TNXB: variants seen among roughly 807,000 people sequenced by gnomAD.
TNXB encodes the protein tenascin XB.
A neutral mutation model predicts 340.5 loss-of-function variants in TNXB; 183 were observed. The observed-to-expected ratio is 0.54, with a 90% CI of 0.48 to 0.61. TNXB has a LOEUF of 0.61. Ranked by LOEUF, TNXB falls within the 20% of genes least tolerant of loss-of-function variation. The probability of loss-of-function intolerance (pLI) is 0.00; values close to 1 mark genes in which losing one functional copy is unlikely to be tolerated. For missense variants in TNXB, 4,613 were observed against 5,446.4 expected (o/e 0.85, Z 4.82); for synonymous variants, 2,121 against 2,314.5 (o/e 0.92, Z 2.40).
rs892326805 is a variant in TNXB at position 32,061,987 on chromosome 6, G to T, written c.7168+170C>A. 1.3e-5 allele frequency among the ~76,000 whole-genome samples: 2 copies of T among 152,278 alleles called. No homozygotes were observed. Among genetic ancestry groups the T allele is most frequent in the Middle Eastern group, 3.4e-3 (1 of 294 alleles). On this transcript the variant is annotated intron_variant, in intron 20 of 43. Coordinates refer to ENST00000644971, the MANE Select transcript of TNXB (RefSeq NM_001365276.2). The surrounding 1 kb of genome is among the most constrained non-coding windows in gnomAD (Gnocchi z 4.4). ...CTCCCAATGGCCCCTCCCTGCTCAG[G>T]GGGAGCCAGGGGTCAACCACACAAA...
At position 32,053,389 on chromosome 6, in the gene TNXB, T is replaced by C. The variant is rs1777415796; in HGVS notation, c.8790A>G (p.Thr2930=). The change falls in exon 25 of 44, where the codon ACA becomes ACG. Residue 2930 remains threonine, a splice_region_variant and synonymous_variant. Transcript: ENST00000644971. ...CTGGGGCTCCCATCGTACACTCACC[T>C]GTCACCCCAATGACAGAGATGGGGC... ...RVGPISVIGV[T]AAEEETPAPT... The C allele has an allele frequency of 1.2e-6, 2 of 1,612,144 alleles. No homozygotes were observed. The highest frequency in any genetic ancestry group is 1.3e-5 in the African/African-American group (1 of 74,890).
Position 32,049,865 on chromosome 6 carries a change from GAGTCCC to G in TNXB, c.9439+127_9439+132del, listed in dbSNP as rs919200988. ...TCAACCACATAGGAAGGCCCAAGGG[GAGTCCC>G]AGCCCCAGCCACAAGCAGTTCTGTG... On this transcript the variant is annotated intron_variant, in intron 27 of 43. Coordinates refer to ENST00000644971, the MANE Select transcript of TNXB (RefSeq NM_001365276.2). This position sits in a 1 kb window ranked among gnomAD's most constrained non-coding sequence, Gnocchi z 4.5. 3 of 1,414,406 alleles carry G rather than the reference GAGTCCC, an allele frequency of 2.1e-6. No individual in the cohort carries two copies. The African/African-American group carries it at 4.2e-5, about 20-fold the overall frequency. 87.6% of individuals were successfully genotyped at this position (1,414,406 alleles called of 1,614,324 possible).
In TNXB at chr6:32,081,956, C is replaced by A; in HGVS notation, c.3736+80G>T. ...GGAGTCAGCTGTCTTGCTGGGGGAC[C>A]CCAGCTGGTTTTGGGCTGAAGGGAA... is the stretch of plus-strand genomic sequence containing the variant. On this transcript the variant is annotated intron_variant, in intron 9 of 43. Transcript: ENST00000644971. This position sits in a 1 kb window ranked among gnomAD's most constrained non-coding sequence, Gnocchi z 5.1. 5 of 1,419,938 alleles carry A rather than the reference C, an allele frequency of 3.5e-6. No individual in the cohort carries two copies. The highest frequency in any genetic ancestry group is 4.8e-6 in the Non-Finnish European group (5 of 1,052,316). The allele number at this position is 1,419,938 out of a possible 1,614,324, so 88.0% of individuals were successfully genotyped here. A position where few individuals can be genotyped will look rare whatever the true frequency, so the allele number is the denominator to read the frequency against.
chr6:32,087,640 G>C lies in TNXB; in HGVS notation c.2779+1145C>G. 2.4e-6 allele frequency: 1 copy of C among 414,138 alleles called. No individual in the cohort carries two copies. Among genetic ancestry groups the C allele is most frequent in the Non-Finnish European group, 4.9e-6 (1 of 204,872 alleles). The allele number at this position is 414,138 out of a possible 1,614,324, so 25.7% of individuals were successfully genotyped here. Reference sequence around the variant, plus strand: ...GCGGGGGTGGCGGGGCGGGGGTGCGGGGGAGCCGGCTGGGGCGGCGGCCAA... The same window carrying C: ...GCGGGGGTGGCGGGGCGGGGGTGCGCGGGAGCCGGCTGGGGCGGCGGCCAA... On this transcript the variant is annotated intron_variant, in intron 6 of 43. Coordinates refer to ENST00000644971, the MANE Select transcript of TNXB (RefSeq NM_001365276.2). This position sits in a 1 kb window ranked among gnomAD's most constrained non-coding sequence, Gnocchi z 9.0.
At position 32,050,128 on chromosome 6, in the gene TNXB, C is replaced by G. The variant is rs762962693; in HGVS notation, c.9309G>C (p.Ala3103=). ...CGTCCTCGTGCCCCGGCACCCGCAC[C>G]GCCTTGGGCTGCCCATCCCCATTCC... ...QYRNGDGQPK[A]VRVPGHEDGV... is the part of the protein sequence containing the mutation. The change falls in exon 27 of 44, where the codon GCG becomes GCC. Residue 3103 remains alanine, a synonymous_variant. Coordinates refer to ENST00000644971, the MANE Select transcript of TNXB (RefSeq NM_001365276.2). The G allele has an allele frequency of 6.2e-7, 1 of 1,613,810 alleles. No individual in the cohort carries two copies. The highest frequency in any genetic ancestry group is 8.5e-7 in the Non-Finnish European group (1 of 1,179,884).
Position 32,079,432 on chromosome 6 carries a change from T to C in TNXB, c.4043-67A>G. On this transcript the variant is annotated intron_variant, in intron 10 of 43. Coordinates refer to ENST00000644971, the MANE Select transcript of TNXB (RefSeq NM_001365276.2). This position sits in a 1 kb window ranked among gnomAD's most constrained non-coding sequence, Gnocchi z 7.1. ...TGCTGCTGCCCACAGATGACAGCCA[T>C]GGAAATGCCCTTACGCTGTGGGCTC... 3 of 1,335,562 alleles carry C rather than the reference T, an allele frequency of 2.2e-6. No homozygotes were observed. The highest frequency in any genetic ancestry group is 2.8e-5 in the South Asian group (2 of 71,794). 82.7% of individuals were successfully genotyped at this position (1,335,562 alleles called of 1,614,324 possible). A position where few individuals can be genotyped will look rare whatever the true frequency, so the allele number is the denominator to read the frequency against.
intron 6 of TNXB, among the ~76,000 whole-genome samples, chr6:32,086,791 C>T (rs1218685307): frequency 6.6e-6 from 1 of 152,234 alleles, no homozygotes; most frequent in Non-Finnish European, 1.5e-5. Context: ...CCACGCAGTT[C>T]TGATGTGTCC....
intron 6 of TNXB, 75 bp from the exon 7 acceptor site, chr6:32,086,193 C>G (rs1352802201): frequency 7.0e-7 from 1 of 1,418,646 alleles, no homozygotes; most frequent in African/African-American, 1.4e-5. Context: ...TCCCCAGGTT[C>G]TGCCCTCCAG....
chr6:32,064,714 G>T lies in TNXB; in HGVS notation c.6841+107C>A. On this transcript the variant is annotated intron_variant, in intron 19 of 43. Coordinates refer to ENST00000644971, the MANE Select transcript of TNXB (RefSeq NM_001365276.2). The surrounding 1 kb of genome is among the most constrained non-coding windows in gnomAD (Gnocchi z 5.3). ...CCAGCAGAACCATTCCCAGGAGCTT[G>T]GGAGGCTTGGTCTCAGGGAAAGTAA... 1.4e-6 allele frequency: 2 copies of T among 1,428,170 alleles called. No homozygotes were observed. Among genetic ancestry groups the T allele is most frequent in the Non-Finnish European group, 1.9e-6 (2 of 1,075,504 alleles). 88.5% of individuals were successfully genotyped at this position (1,428,170 alleles called of 1,614,324 possible). A position where few individuals can be genotyped will look rare whatever the true frequency, so the allele number is the denominator to read the frequency against.
At position 32,067,679 on chromosome 6, in the gene TNXB, A is replaced by T; in HGVS notation, c.6526T>A (p.Ser2176Thr). The T allele has an allele frequency of 1.2e-6, 2 of 1,613,590 alleles. No individual in the cohort carries two copies. The highest frequency in any genetic ancestry group is 1.7e-6 in the Non-Finnish European group (2 of 1,179,642). Residue 2176 changes from serine (S) to threonine (T), a missense_variant, in exon 18 of 44, where the codon TCT becomes ACT. Physicochemically the swap from Ser to Thr is moderately conservative, Grantham distance 58 (BLOSUM62 1). This residue lies in a region of TNXB where 4,327 missense variants were observed against 4,859.4 expected (regional missense o/e 0.89). Coordinates refer to ENST00000644971, the MANE Select transcript of TNXB (RefSeq NM_001365276.2). The surrounding 1 kb of genome is among the most constrained non-coding windows in gnomAD (Gnocchi z 4.2). ...CACTCACCCGTGACGCCCACAGCAG[A>T]CACTGGGCCCACGCGCCGCCCCTCG... ...LHEGRRVGPV[S>T]AVGVTAPEEE... is the part of the protein sequence containing the mutation.
Position 32,081,522 on chromosome 6 carries a change from C to T in TNXB, c.3888G>A (p.Lys1296=). 6.2e-7 allele frequency: 1 copy of T among 1,607,592 alleles called. No homozygotes were observed. Among genetic ancestry groups the T allele is most frequent in the Non-Finnish European group, 8.5e-7 (1 of 1,177,140 alleles). ...GPFDSFMVQY[K]DAQGQPQAVP... ...CTGCCTGGGGCTGCCCCTGTGCATC[C>T]TTGTACTGGACCATGAATGAGTCGA... The change falls in exon 10 of 44, where the codon AAG becomes AAA. Residue 1296 remains lysine (K), a synonymous_variant. Transcript: ENST00000644971. The surrounding 1 kb of genome is among the most constrained non-coding windows in gnomAD (Gnocchi z 5.1).
At chr6:32,054,910 C>T (rs1195581750) in intron 24 of TNXB, among the ~76,000 whole-genome samples, 2 of 152,178 alleles carry the variant, frequency 1.3e-5, no homozygotes, top group African/African-American at 4.8e-5. Flanking sequence ...CAACATCAGA[C>T]TAGGCCATTT....
chr6:32,103,993 A>G (rs1423612802), intron 1 of TNXB, among the ~76,000 whole-genome samples: 1 of 152,016 alleles, frequency 6.6e-6, no homozygotes, highest in Non-Finnish European at 1.5e-5. Context: ...GGCCTCCCAA[A>G]GTGCTGGGGT....
Position 32,096,894 on chromosome 6 carries a change from C to T in TNXB, c.959G>A (p.Arg320His). Residue 320 changes from arginine (R) to histidine (H), a missense_variant, in exon 3 of 44, where the codon CGC (arginine) becomes CAC (histidine). Around this residue, in one of 7 missense-constraint regions of TNXB, gnomAD observed 4,327 missense variants for 4,859.4 expected, o/e 0.89. Coordinates refer to ENST00000644971, the MANE Select transcript of TNXB (RefSeq NM_001365276.2). ...ACACACGCAGCGCCCGTCCTTGCAG[C>T]GTCCCCGCTGGCTGCAGCCCCGAGG... Reference protein sequence around the residue: ...SCPRGCSQRGRCKDGRCVCDP... With the variant: ...SCPRGCSQRGHCKDGRCVCDP... 2 of 1,609,602 alleles carry T rather than the reference C, an allele frequency of 1.2e-6. No individual in the cohort carries two copies. The highest frequency in any genetic ancestry group is 2.7e-5 in the African/African-American group (2 of 74,924).
At chr6:32,057,159 T>G (rs1274077499) in intron 22 of TNXB, among the ~76,000 whole-genome samples, 1 of 146,292 alleles carries the variant, frequency 6.8e-6, no homozygotes, top group Non-Finnish European at 1.5e-5. Context: ...GCACCGCCTC[T>G]CTTTTGAGCA....
Position 32,108,640 on chromosome 6 carries a change from C to T in TNXB, c.-9+541G>A, listed in dbSNP as rs116418041. ...CAGACCTCCCTCCCTGCAACTCTCA[C>T]GCTGCCACCTAGGGAGTCCCCATTT... On this transcript the variant is annotated intron_variant, in intron 1 of 43. Coordinates refer to ENST00000644971, the MANE Select transcript of TNXB (RefSeq NM_001365276.2). This position sits in a 1 kb window ranked among gnomAD's most constrained non-coding sequence, Gnocchi z 4.8. Among the ~76,000 whole-genome samples the T allele has an allele frequency of 2.8e-3, 433 of 152,190 alleles. 2 individuals carry two copies. Among genetic ancestry groups the T allele is most frequent in the African/African-American group, 9.9e-3 (410 of 41,526 alleles).
chr6:32,082,526 A>C lies in TNXB; in HGVS notation c.3446-200T>G, dbSNP rs182088737. On this transcript the variant is annotated intron_variant, in intron 8 of 43. Coordinates refer to ENST00000644971, the MANE Select transcript of TNXB (RefSeq NM_001365276.2). This position sits in a 1 kb window ranked among gnomAD's most constrained non-coding sequence, Gnocchi z 5.0. ...TGTGCCCTGGTGAGGAGTGGTGTCC[A>C]CTTTAAGGAATGGGTGCCTTCTTTC... 2.0e-5 allele frequency among the ~76,000 whole-genome samples: 3 copies of C among 152,248 alleles called. No individual in the cohort carries two copies. The East Asian group carries it at 5.8e-4, about 29-fold the overall frequency.
chr6:32,054,960 T>C (rs917859585), intron 24 of TNXB, among the ~76,000 whole-genome samples: 1 of 152,162 alleles, frequency 6.6e-6, no homozygotes, highest in African/African-American at 2.4e-5. Flanking sequence ...GGCCAGTCTG[T>C]GATCATGTCT....
Position 32,062,216 on chromosome 6 carries a change from T to C in TNXB, c.7109A>G (p.Asn2370Ser). The C allele has an allele frequency of 6.2e-7, 1 of 1,613,076 alleles. No homozygotes were observed. Among genetic ancestry groups the C allele is most frequent in the Non-Finnish European group, 8.5e-7 (1 of 1,179,842 alleles). Residue 2370 changes from asparagine (N) to serine (S), a missense_variant, in exon 20 of 44, where the codon AAC becomes AGC. By Grantham distance (46) the Asn-to-Ser change is conservative. This residue lies in a region of TNXB where 4,327 missense variants were observed against 4,859.4 expected (regional missense o/e 0.89). Coordinates refer to ENST00000644971, the MANE Select transcript of TNXB (RefSeq NM_001365276.2). The surrounding 1 kb of genome is among the most constrained non-coding windows in gnomAD (Gnocchi z 4.3). ...CTGGCCACCGTGGAAGCCGTACAGGTTCATCTTGTACTTGTTGTCTGGCTC... is the reference window on the plus strand; with the variant it reads ...CTGGCCACCGTGGAAGCCGTACAGGCTCATCTTGTACTTGTTGTCTGGCTC... ...GLEPDNKYKM[N>S]LYGFHGGQRV...
Sources: gnomAD v4.1 joint callset for allele counts (sites outside exome capture counted in the v4.1 genomes callset) on GRCh38, gnomAD v4.1.1 for gene constraint, gnomAD v4.1.1 regional missense constraint, Gnocchi (gnomAD v3.1) non-coding constraint, MANE v1.5 for transcripts, NCBI Gene and HGNC (gene_info 2026-07-23, HGNC 2026-07-21) for gene names.